Variants in ANKRD28 observed in about 807,000 individuals in gnomAD.
The protein encoded by ANKRD28 is ankyrin repeat domain 28, also known as serine/threonine-protein phosphatase 6 regulatory ankyrin repeat subunit A.
Under a neutral mutation model 126.5 loss-of-function variants are expected in ANKRD28, and 44 were observed. The ratio of observed to expected loss-of-function variants is 0.35; its 90% CI spans 0.27 to 0.45. The LOEUF is 0.45. Among genes scored for constraint, ANKRD28 ranks in the 20% least tolerant of loss-of-function variants. The pLI is 1.00. For missense variants in ANKRD28, 1,110 were observed against 1,316.6 expected (o/e 0.84, Z 2.43); for synonymous variants, 442 against 468.5 (o/e 0.94, Z 0.73).
At chr3:15,858,482 CG>C (rs1301799130) in intron 1 of ANKRD28, among the ~76,000 whole-genome samples, 1 of 152,164 alleles carries the variant, frequency 6.6e-6, no homozygotes, top group Admixed American at 6.5e-5. Flanking sequence ...TTTTCGCAAA[CG>C]GGGTGCTCAC....
At chr3:15,772,455 T>A (rs1406853266) in intron 2 of ANKRD28, among the ~76,000 whole-genome samples, 1 of 152,064 alleles carries the variant, frequency 6.6e-6, no homozygotes, top group East Asian at 1.9e-4. Context: ...ATATCCCCCA[T>A]CAACAGAGAC....
intron 6 of ANKRD28, among the ~76,000 whole-genome samples, chr3:15,729,763 T>C (rs1339981747): frequency 2.0e-5 from 3 of 152,222 alleles, no homozygotes; most frequent in Non-Finnish European, 4.4e-5. Flanking sequence ...GTTGTTTATA[T>C]ATAAATTATC....
Position 15,797,237 on chromosome 3 carries a change from T to C in ANKRD28, c.-716A>G, listed in dbSNP as rs1054618123. 15 of 981,230 alleles carry C rather than the reference T, an allele frequency of 1.5e-5. No homozygotes were observed. The highest frequency in any genetic ancestry group is 1.8e-5 in the Non-Finnish European group (15 of 828,678). 60.8% of individuals were successfully genotyped at this position (981,230 alleles called of 1,614,324 possible). On this transcript the variant is annotated 5_prime_UTR_variant, in exon 1 of 28. Transcript: ENST00000683139. ...AAAAAAAAAAACCACTCTGCATTAA[T>C]AGCAAAGCTGCAGTACGTTTACATG... is the stretch of plus-strand genomic sequence containing the variant.
At chr3:15,800,893 G>T (rs142767146), upstream of ANKRD28, among the ~76,000 whole-genome samples, 518 of 152,138 alleles carry the variant, frequency 3.4e-3, 3 homozygotes, top group African/African-American at 0.012. Context: ...GCACTGTTTT[G>T]TGTCTTCTTC....
At chr3:15,807,621 A>G (rs1317443350) in intron 1 of ANKRD28, among the ~76,000 whole-genome samples, 1 of 152,218 alleles carries the variant, frequency 6.6e-6, no homozygotes, top group Non-Finnish European at 1.5e-5. Context: ...GACACTGGGC[A>G]GACTACCACT....
rs187131384 is a variant in ANKRD28, at chr3:15,767,657, G to A, written c.202-1345C>T. Among the ~76,000 whole-genome samples the A allele has an allele frequency of 1.2e-3, 164 of 133,984 alleles. No homozygotes were observed. In the South Asian group the frequency reaches 0.013, roughly 10 times the overall value. The allele number at this position is 133,984 out of a possible 152,430, so 87.9% of individuals were successfully genotyped here. A position where few individuals can be genotyped will look rare whatever the true frequency, so the allele number is the denominator to read the frequency against. Reference sequence around the variant, plus strand: ...TGGCGGGTGGATCACGAGGTCAGGAGATCGAGACCATCCTGGCTAACACAA... The same window carrying A: ...TGGCGGGTGGATCACGAGGTCAGGAAATCGAGACCATCCTGGCTAACACAA... On this transcript the variant is annotated intron_variant, in intron 2 of 27. Transcript: ENST00000683139.
In ANKRD28 at chr3:15,827,295, T is replaced by G. The variant is rs193006543; in HGVS notation, c.28-31989A>C. ...ATAACCAAAAGAAATGAAAGCAGTA[T>G]GTCAAAGAGATATGTGCACTCACAC... is the stretch of plus-strand genomic sequence containing the variant. On this transcript the variant is annotated intron_variant, in intron 1 of 27. Coordinates refer to the ANKRD28 transcript ENST00000399451. Among the ~76,000 whole-genome samples, 12 of 152,240 alleles carry G rather than the reference T, an allele frequency of 7.9e-5. No homozygotes were observed. The East Asian group carries it at 2.3e-3, about 29-fold the overall frequency.
intron 17 of ANKRD28, among the ~76,000 whole-genome samples, chr3:15,694,386 G>A (rs1373898431): frequency 2.6e-5 from 4 of 152,064 alleles, no homozygotes; most frequent in Non-Finnish European, 5.9e-5. Context: ...TATACCATCT[G>A]CTTAGCCAAC....
intron 1 of ANKRD28, among the ~76,000 whole-genome samples, chr3:15,813,512 TA>T (rs1164314837): frequency 6.6e-6 from 1 of 152,184 alleles, no homozygotes; most frequent in Non-Finnish European, 1.5e-5. Context: ...TTTGGGATCA[TA>T]AGATATTTAA....
At chr3:15,675,099 G>T (rs1051069306) in intron 27 of ANKRD28, among the ~76,000 whole-genome samples, 1 of 152,050 alleles carries the variant, frequency 6.6e-6, no homozygotes, top group East Asian at 1.9e-4. Flanking sequence ...GTGAAACTCC[G>T]TCTCTACTAA....
chr3:15,823,130 G>T (rs11920302), intron 1 of ANKRD28, among the ~76,000 whole-genome samples: 3,670 of 152,266 alleles, frequency 0.024, 154 homozygotes, highest in African/African-American at 0.082. Context: ...TCCATGGAGC[G>T]GGGGGCGTTG....
At chr3:15,841,557 T>A (rs917289460) in intron 1 of ANKRD28, among the ~76,000 whole-genome samples, 2 of 151,944 alleles carry the variant, frequency 1.3e-5, no homozygotes, top group Non-Finnish European at 2.9e-5. Flanking sequence ...AACCAGAGAA[T>A]ATAAGGAGCT....
chr3:15,698,415 A>C (rs151178587), intron 14 of ANKRD28, among the ~76,000 whole-genome samples: 43 of 152,346 alleles, frequency 2.8e-4, no homozygotes, highest in African/African-American at 1.0e-3. Flanking sequence ...GAAAGAAATA[A>C]AGGGTATTCA....
At chr3:15,850,226 G>T (rs7632206) in intron 1 of ANKRD28, among the ~76,000 whole-genome samples, 5,851 of 33,606 alleles carry the variant, frequency 0.17, 208 homozygotes, top group African/African-American at 0.21. Context: ...TATATATATA[G>T]AGAGAGAGAG....
intron 3 of ANKRD28, among the ~76,000 whole-genome samples, chr3:15,752,833 G>A (rs2057939236): frequency 6.6e-6 from 1 of 152,210 alleles, no homozygotes; most frequent in African/African-American, 2.4e-5. Flanking sequence ...ATAATCAAGT[G>A]CAGTGACTTC....
intron 5 of ANKRD28, 65 bp downstream of exon 5, chr3:15,736,968 T>A: frequency 6.5e-7 from 1 of 1,530,920 alleles, no homozygotes; most frequent in Non-Finnish European, 9.0e-7. Context: ...AAAATGCAAG[T>A]TCTTTAATAA....
chr3:15,835,856 A>G (rs1013287105), intron 1 of ANKRD28, among the ~76,000 whole-genome samples: 5 of 152,238 alleles, frequency 3.3e-5, no homozygotes, highest in African/African-American at 1.2e-4. Context: ...GTGACACTAG[A>G]CAGTAATGAA....
chr3:15,771,397 A>C (rs1454182455), intron 2 of ANKRD28, among the ~76,000 whole-genome samples: 1 of 138,474 alleles, frequency 7.2e-6, no homozygotes, highest in African/African-American at 2.7e-5. Flanking sequence ...GTGACAGAGC[A>C]AAACTCTGTC....
intron 6 of ANKRD28, among the ~76,000 whole-genome samples, chr3:15,728,161 T>C (rs184628469): frequency 6.6e-6 from 1 of 152,320 alleles, no homozygotes; most frequent in African/African-American, 2.4e-5. Context: ...GCATTTTTTT[T>C]TAGCAATAAC....
Sources: gnomAD v4.1 joint callset for allele counts (sites outside exome capture counted in the v4.1 genomes callset) on GRCh38, gnomAD v4.1.1 for gene constraint, MANE v1.5 for transcripts, NCBI Gene and HGNC (gene_info 2026-07-23, HGNC 2026-07-21) for gene names.